TRAK1: variants seen among roughly 807,000 people sequenced by gnomAD.
TRAK1 encodes the protein trafficking kinesin protein 1.
In TRAK1, 33 loss-of-function variants were observed where a neutral mutation model predicts 92.1. The ratio of observed to expected loss-of-function variants is 0.36; its 90% confidence interval spans 0.27 to 0.48. TRAK1 has a LOEUF of 0.48. TRAK1 is among the 20% of genes least tolerant of loss of function. The pLI, the probability that TRAK1 is intolerant of heterozygous loss-of-function variation, is 0.99. For synonymous variants in TRAK1, 521 were observed against 517.3 expected, an observed-to-expected ratio of 1.01 and a Z score of -0.10; for missense variants, 1,123 against 1,257.9, an observed-to-expected ratio of 0.89 and a Z score of 1.62.
chr3:42,075,496 A>G (rs1704115688), intron 1 of TRAK1, among the ~76,000 whole-genome samples: 1 of 152,158 alleles, frequency 6.6e-6, no homozygotes, highest in African/African-American at 2.4e-5. Flanking sequence ...TCCTTTGGGT[A>G]TATGCCCAGT....
upstream of TRAK1, among the ~76,000 whole-genome samples, chr3:42,082,894 CT>C (rs1251536744): frequency 6.6e-6 from 1 of 152,208 alleles, no homozygotes; most frequent in Non-Finnish European, 1.5e-5. Context: ...CCTACAGCAT[CT>C]TTCTATGTTG....
At chr3:42,217,702 A>G (rs545421030) in intron 14 of TRAK1, 3 of 985,146 alleles carry the variant, frequency 3.0e-6, no homozygotes, top group African/African-American at 3.5e-5. Context: ...TCTTATTTCT[A>G]TTTACTGCTT....
At chr3:42,067,793 C>T (rs925018327) in intron 1 of TRAK1, among the ~76,000 whole-genome samples, 14 of 102,378 alleles carry the variant, frequency 1.4e-4, no homozygotes, top group African/African-American at 3.3e-4. Context: ...TGTAATTGGC[C>T]TATCACGTAG....
At chr3:42,122,933 T>G (rs577161017) in intron 1 of TRAK1, among the ~76,000 whole-genome samples, 1 of 151,762 alleles carries the variant, frequency 6.6e-6, no homozygotes, top group South Asian at 2.1e-4. Flanking sequence ...TGAGATAGAG[T>G]CCCCCCTCCA....
chr3:42,180,596 T>G (rs1050251032), intron 3 of TRAK1, among the ~76,000 whole-genome samples: 1 of 151,588 alleles, frequency 6.6e-6, no homozygotes, highest in Non-Finnish European at 1.5e-5. Context: ...GGAGGGTTGC[T>G]TGAGCCCAGG....
chr3:42,084,800 C>CTT (rs75722895), upstream of TRAK1, among the ~76,000 whole-genome samples: 8 of 139,678 alleles, frequency 5.7e-5, no homozygotes, highest in African/African-American at 1.9e-4. Flanking sequence ...ATCCCGTTTT[C>CTT]TTTTTTTTTT....
intron 1 of TRAK1, among the ~76,000 whole-genome samples, chr3:42,107,054 C>T (rs945671884): frequency 6.6e-6 from 1 of 152,148 alleles, no homozygotes; most frequent in African/African-American, 2.4e-5. Context: ...CTTTGCTTGT[C>T]CCCTAGTTAG....
chr3:42,037,844 T>A (rs554500858), intron 1 of TRAK1, among the ~76,000 whole-genome samples: 80 of 152,296 alleles, frequency 5.3e-4, no homozygotes, highest in South Asian at 1.0e-3. Flanking sequence ...TTAGTGAGTG[T>A]TTGTGTGGAT....
chr3:42,125,819 G>A (rs1710483403), intron 2 of TRAK1, among the ~76,000 whole-genome samples: 1 of 152,046 alleles, frequency 6.6e-6, no homozygotes, highest in Non-Finnish European at 1.5e-5. Context: ...GAGGAGTGAG[G>A]ACCAAGTAAG....
intron 1 of TRAK1, among the ~76,000 whole-genome samples, chr3:42,029,532 G>A: frequency 6.6e-6 from 1 of 151,410 alleles, no homozygotes. Flanking sequence ...ATGAGTCAGT[G>A]TGCCCAGCCT....
chr3:42,150,734 G>T (rs1029582352), intron 2 of TRAK1, among the ~76,000 whole-genome samples: 2 of 152,146 alleles, frequency 1.3e-5, no homozygotes, highest in Non-Finnish European at 2.9e-5. Context: ...TCAGGGGATG[G>T]TATTTAAATG....
chr3:42,080,489 G>A (rs1704379414), intron 1 of TRAK1, among the ~76,000 whole-genome samples: 1 of 152,148 alleles, frequency 6.6e-6, no homozygotes, highest in Non-Finnish European at 1.5e-5. Context: ...CTAAACAGAG[G>A]CGCTTTCATC....
intron 1 of TRAK1, among the ~76,000 whole-genome samples, chr3:42,026,425 G>A (rs930835204): frequency 5.3e-5 from 8 of 151,906 alleles, no homozygotes; most frequent in Admixed American, 3.9e-4. Flanking sequence ...CCAGGGCACC[G>A]ATTATTTTTA....
chr3:42,222,843 C>G (rs553157523), intron 15 of TRAK1, 99 bp from the exon 16 acceptor site: 4 of 1,315,240 alleles, frequency 3.0e-6, no homozygotes, highest in Non-Finnish European at 4.2e-6. Flanking sequence ...TCATCGTGTC[C>G]TGGGTCGTCC....
At chr3:42,144,232 C>T (rs1444480904) in intron 2 of TRAK1, among the ~76,000 whole-genome samples, 1 of 150,770 alleles carries the variant, frequency 6.6e-6, no homozygotes, top group Admixed American at 6.6e-5. Flanking sequence ...ATTTGTACCC[C>T]CTTTTTAATT....
At chr3:42,079,141 C>A (rs79402167) in intron 1 of TRAK1, among the ~76,000 whole-genome samples, 4,158 of 152,228 alleles carry the variant, frequency 0.027, 223 homozygotes, top group African/African-American at 0.095. Flanking sequence ...GAACTGTGAT[C>A]GGATAAATGG....
At chr3:42,016,207 T>C (rs1412162401) in intron 1 of TRAK1, among the ~76,000 whole-genome samples, 2 of 150,748 alleles carry the variant, frequency 1.3e-5, no homozygotes, top group Non-Finnish European at 3.0e-5. Flanking sequence ...GGTTTTTTGT[T>C]TTTTTTTTTC....
At position 42,187,484 on chromosome 3, in the gene TRAK1, T is replaced by C. The variant is rs186438040; in HGVS notation, c.481-561T>C. Among the ~76,000 whole-genome samples the C allele has an allele frequency of 5.4e-3, 828 of 152,270 alleles. 14 individuals are homozygous for C. Among genetic ancestry groups the C allele is most frequent in the African/African-American group, 0.019 (789 of 41,540 alleles). Reference sequence around the variant, plus strand: ...CAAGCATCATTCTTTTTTCTTTTTTTTGAGATGGAGTTTTGCTCTGTTGCC... The same window carrying C: ...CAAGCATCATTCTTTTTTCTTTTTTCTGAGATGGAGTTTTGCTCTGTTGCC... On this transcript the variant is annotated intron_variant, in intron 4 of 15. Transcript: ENST00000327628.
At chr3:42,077,089 T>G (rs1370104611) in intron 1 of TRAK1, among the ~76,000 whole-genome samples, 4 of 152,236 alleles carry the variant, frequency 2.6e-5, no homozygotes, top group African/African-American at 9.6e-5. Flanking sequence ...TTGTTCTTTT[T>G]GCTTATAATT....
Sources: gnomAD v4.1 joint callset for allele counts (sites outside exome capture counted in the v4.1 genomes callset) on GRCh38, gnomAD v4.1.1 for gene constraint, MANE v1.5 for transcripts, NCBI Gene and HGNC (gene_info 2026-07-23, HGNC 2026-07-21) for gene names.